Variants in AUTS2 observed in about 807,000 individuals in gnomAD.
The protein encoded by AUTS2 is autism susceptibility gene 2 protein.
AUTS2 carries 17 observed loss-of-function variants against 112.4 expected under a neutral mutation model. The ratio of observed to expected loss-of-function variants is 0.15; its 90% CI spans 0.10 to 0.23. The LOEUF (loss-of-function observed/expected upper bound fraction) is 0.23, where lower values mean the gene tolerates loss of function less well. AUTS2 is among the 10% of genes least tolerant of loss of function. The pLI is 1.00. For missense variants in AUTS2, 1,510 were observed against 1,701.6 expected (o/e 0.89, Z 1.98); for synonymous variants, 751 against 702.7 (o/e 1.07, Z -1.09).
chr7:69,653,080 C>T (rs1463000345), intron 1 of AUTS2, among the ~76,000 whole-genome samples: 1 of 152,144 alleles, frequency 6.6e-6, no homozygotes, highest in Non-Finnish European at 1.5e-5. Flanking sequence ...GGAGAAGGTT[C>T]CTGCATTGAA....
chr7:70,206,579 G>T (rs1810585523), intron 4 of AUTS2, among the ~76,000 whole-genome samples: 1 of 152,096 alleles, frequency 6.6e-6, no homozygotes, highest in Non-Finnish European at 1.5e-5. Flanking sequence ...TGTCCTTCCT[G>T]CCACCCACCT....
At chr7:69,852,870 A>G (rs372007908) in intron 1 of AUTS2, among the ~76,000 whole-genome samples, 1 of 152,058 alleles carries the variant, frequency 6.6e-6, no homozygotes, top group Non-Finnish European at 1.5e-5. Flanking sequence ...TGTTTAAGTT[A>G]TTTTGAGGCT....
At chr7:70,747,268 C>G (rs1788510319) in intron 6 of AUTS2, among the ~76,000 whole-genome samples, 2 of 152,194 alleles carry the variant, frequency 1.3e-5, no homozygotes, top group Admixed American at 1.3e-4. Flanking sequence ...ACATGCATTT[C>G]CGAAGCATCA....
intron 2 of AUTS2, among the ~76,000 whole-genome samples, chr7:70,105,312 G>A (rs902680187): frequency 1.3e-5 from 2 of 152,116 alleles, no homozygotes; most frequent in African/African-American, 4.8e-5. Context: ...CCAGGCTGGA[G>A]TGCAGTGGCC....
chr7:70,365,220 A>C (rs1459206070), intron 4 of AUTS2, among the ~76,000 whole-genome samples: 1 of 152,204 alleles, frequency 6.6e-6, no homozygotes, highest in Non-Finnish European at 1.5e-5. Flanking sequence ...ACTCTTCAGA[A>C]GAGAGGGTCA....
chr7:69,857,113 T>C (rs766627695), intron 1 of AUTS2, among the ~76,000 whole-genome samples: 1 of 152,200 alleles, frequency 6.6e-6, no homozygotes, highest in Non-Finnish European at 1.5e-5. Context: ...CTAGGCACCT[T>C]GGAGTGATGG....
chr7:69,996,312 G>A (rs990766382), intron 2 of AUTS2, among the ~76,000 whole-genome samples: 5 of 152,214 alleles, frequency 3.3e-5, no homozygotes, highest in East Asian at 1.9e-4. Flanking sequence ...AGCACAGCTA[G>A]CAGTCAGAGA....
At chr7:70,262,553 C>T (rs1354569563) in intron 4 of AUTS2, among the ~76,000 whole-genome samples, 1 of 152,174 alleles carries the variant, frequency 6.6e-6, no homozygotes, top group East Asian at 1.9e-4. Flanking sequence ...ACTGTTAAAA[C>T]TTATATGAAG....
chr7:70,181,663 A>G (rs557337857), intron 4 of AUTS2, among the ~76,000 whole-genome samples: 7 of 150,786 alleles, frequency 4.6e-5, no homozygotes, highest in Non-Finnish European at 7.4e-5. Flanking sequence ...ATTTTTTTGT[A>G]TTTTTAATAG....
intron 2 of AUTS2, among the ~76,000 whole-genome samples, chr7:69,927,141 G>A (rs1385407148): frequency 2.0e-5 from 3 of 146,956 alleles, no homozygotes; most frequent in South Asian, 4.2e-4. Context: ...ATGGCAACAT[G>A]AAAGTCTCAA....
intron 2 of AUTS2, among the ~76,000 whole-genome samples, chr7:69,915,717 G>T (rs1795549309): frequency 6.6e-6 from 1 of 152,112 alleles, no homozygotes; most frequent in South Asian, 2.1e-4. Context: ...AATTTGAATA[G>T]AAATTTTTAT....
intron 1 of AUTS2, among the ~76,000 whole-genome samples, chr7:69,868,631 T>C (rs1793343921): frequency 6.6e-6 from 1 of 152,212 alleles, no homozygotes; most frequent in South Asian, 2.1e-4. Flanking sequence ...CATGCTTTGC[T>C]TTTTACCAAG....
chr7:70,640,430 A>AAAC (rs1554448411), intron 5 of AUTS2, among the ~76,000 whole-genome samples: 1 of 151,006 alleles, frequency 6.6e-6, no homozygotes, highest in Admixed American at 6.6e-5. Flanking sequence ...GGAAAAAAAA[A>AAAC]AAAAAAAAAA....
chr7:69,599,595 G>C lies in AUTS2; in HGVS notation c.-59G>C. On this transcript the variant is annotated 5_prime_UTR_variant, in exon 1 of 19. Coordinates refer to ENST00000342771, the MANE Select transcript of AUTS2 (RefSeq NM_015570.4). The surrounding 1 kb of genome is among the most constrained non-coding windows in gnomAD (Gnocchi z 7.0). ...GAGGGCTCGGTGTCAATTTTTTTTT[G>C]TGTGGCTGCGGCCGTAGCCTGTGGC... is the stretch of plus-strand genomic sequence containing the variant. The C allele has an allele frequency of 8.0e-7, 1 of 1,242,360 alleles. No homozygotes were observed. Among genetic ancestry groups the C allele is most frequent in the Non-Finnish European group, 1.0e-6 (1 of 993,426 alleles). 77.0% of individuals were successfully genotyped at this position (1,242,360 alleles called of 1,614,324 possible).
chr7:70,636,244 G>C (rs1195831351), intron 5 of AUTS2, among the ~76,000 whole-genome samples: 1 of 152,206 alleles, frequency 6.6e-6, no homozygotes, highest in East Asian at 1.9e-4. Flanking sequence ...CTCTAAGGCA[G>C]CATGTTCTCC....
chr7:69,861,901 G>C (rs1273796457), intron 1 of AUTS2, among the ~76,000 whole-genome samples: 4 of 152,066 alleles, frequency 2.6e-5, no homozygotes, highest in Non-Finnish European at 4.4e-5. Context: ...TGATGGAGTT[G>C]GTTTGCTGTT....
At chr7:70,404,580 A>G (rs1317806758) in intron 4 of AUTS2, among the ~76,000 whole-genome samples, 1 of 152,188 alleles carries the variant, frequency 6.6e-6, no homozygotes, top group East Asian at 1.9e-4. Flanking sequence ...TCAGGCATAG[A>G]GAGCAGCGGT....
intron 2 of AUTS2, among the ~76,000 whole-genome samples, chr7:69,959,522 A>G (rs905873245): frequency 2.0e-5 from 3 of 152,084 alleles, no homozygotes; most frequent in Admixed American, 6.6e-5. Context: ...TTCACCTGCT[A>G]AGTATCCATT....
At chr7:69,975,630 T>G (rs1207777727) in intron 2 of AUTS2, among the ~76,000 whole-genome samples, 1 of 152,110 alleles carries the variant, frequency 6.6e-6, no homozygotes, top group African/African-American at 2.4e-5. Context: ...GTTCACTGAT[T>G]CTTTACTCTC....
Sources: gnomAD v4.1 joint callset for allele counts (sites outside exome capture counted in the v4.1 genomes callset) on GRCh38, gnomAD v4.1.1 for gene constraint, Gnocchi (gnomAD v3.1) non-coding constraint, MANE v1.5 for transcripts, NCBI Gene and HGNC (gene_info 2026-07-23, HGNC 2026-07-21) for gene names.